Variants in STXBP4 observed in about 807,000 individuals in gnomAD.
STXBP4 encodes syntaxin binding protein 4, also known as syntaxin-binding protein 4.
A neutral mutation model predicts 76.1 loss-of-function variants in STXBP4; 55 were observed. The observed-to-expected ratio is 0.72, with a 90% CI of 0.58 to 0.91. STXBP4 has a LOEUF of 0.91. Ranked by LOEUF, STXBP4 falls within the 40% of genes least tolerant of loss-of-function variation. The probability of loss-of-function intolerance (pLI) is 0.00; values close to 1 mark genes in which losing one functional copy is unlikely to be tolerated. For missense variants in STXBP4, 618 were observed against 636.9 expected (o/e 0.97, Z 0.32); for synonymous variants, 201 against 220.2 (o/e 0.91, Z 0.77).
rs1025256664 is a variant in STXBP4, at chr17:55,053,920, A to C, written c.1011+6766A>C. ...TGGAATATATAAACTTTAGAATATC[A>C]GCCATGATTGATAAAATAATAATTG... On this transcript the variant is annotated intron_variant, in intron 12 of 17. Coordinates refer to ENST00000376352, the MANE Select transcript of STXBP4 (RefSeq NM_178509.6). 8.5e-5 allele frequency among the ~76,000 whole-genome samples: 13 copies of C among 152,294 alleles called. No individual in the cohort carries two copies. In the East Asian group the frequency reaches 2.3e-3, roughly 27 times the overall value.
At chr17:55,135,591 T>A (rs375569350) in intron 16 of STXBP4, among the ~76,000 whole-genome samples, 1 of 152,144 alleles carries the variant, frequency 6.6e-6, no homozygotes, top group East Asian at 1.9e-4. Flanking sequence ...GGCAACCATC[T>A]CTCACTATAC....
chr17:55,071,740 T>C (rs776710936), intron 12 of STXBP4, among the ~76,000 whole-genome samples: 9 of 152,172 alleles, frequency 5.9e-5, no homozygotes, highest in Non-Finnish European at 5.9e-5. Flanking sequence ...CTTAAGAATA[T>C]GCCAGCATTC....
In STXBP4 at chr17:55,161,469, A is replaced by G. The variant is rs557407443; in HGVS notation, c.*1558A>G. On this transcript the variant is annotated 3_prime_UTR_variant, in exon 18 of 18. Transcript: ENST00000376352. Reference sequence around the variant, plus strand: ...TAGTGTCTATAATTGTGAAAGTACAAACTTCTTGTTTTTGTCAAATTAATG... The same window carrying G: ...TAGTGTCTATAATTGTGAAAGTACAGACTTCTTGTTTTTGTCAAATTAATG... 3.3e-5 allele frequency: 5 copies of G among 152,182 alleles called. No individual in the cohort carries two copies. The highest frequency in any genetic ancestry group is 7.3e-5 in the Non-Finnish European group (5 of 68,034). 9.4% of individuals were successfully genotyped at this position (152,182 alleles called of 1,614,324 possible). A position where few individuals can be genotyped will look rare whatever the true frequency, so the allele number is the denominator to read the frequency against.
chr17:54,985,425 G>C (rs2077612619), intron 1 of STXBP4, among the ~76,000 whole-genome samples, 189 bp from the exon 2 acceptor site: 1 of 152,230 alleles, frequency 6.6e-6, no homozygotes, highest in Non-Finnish European at 1.5e-5. Flanking sequence ...TTCAGGAAGA[G>C]AGTTGTACTA....
At chr17:55,038,460 T>G (rs1049661572) in intron 10 of STXBP4, among the ~76,000 whole-genome samples, 2 of 152,160 alleles carry the variant, frequency 1.3e-5, no homozygotes, top group Non-Finnish European at 2.9e-5. Flanking sequence ...TCATAAGATC[T>G]CTTGAGATGC....
At chr17:55,039,665 A>G (rs1280767547) in intron 10 of STXBP4, among the ~76,000 whole-genome samples, 1 of 152,064 alleles carries the variant, frequency 6.6e-6, no homozygotes, top group Non-Finnish European at 1.5e-5. Flanking sequence ...TACCAAAAAC[A>G]ACAACTACAA....
intron 1 of STXBP4, among the ~76,000 whole-genome samples, chr17:54,979,837 T>C (rs775868852): frequency 1.3e-5 from 2 of 152,158 alleles, no homozygotes; most frequent in Non-Finnish European, 2.9e-5. Context: ...GACAAACAAC[T>C]AAAAAGACAT....
At chr17:55,079,188 A>G (rs8070535) in intron 15 of STXBP4, among the ~76,000 whole-genome samples, 1,678 of 152,264 alleles carry the variant, frequency 0.011, 27 homozygotes, top group African/African-American at 0.037. Flanking sequence ...AGCTATAAAT[A>G]AAAGAAATAT....
At chr17:54,999,236 T>C (rs1781824185) in intron 4 of STXBP4, 109 bp from the exon 5 acceptor site, 1 of 794,642 alleles carries the variant, frequency 1.3e-6, no homozygotes, top group Non-Finnish European at 2.0e-6. Context: ...TACTTTTTAC[T>C]CTTTTTGAAG....
intron 12 of STXBP4, among the ~76,000 whole-genome samples, chr17:55,060,621 T>C (rs1598276142): frequency 6.6e-6 from 1 of 152,298 alleles, no homozygotes; most frequent in East Asian, 1.9e-4. Flanking sequence ...CAAGGATAGC[T>C]ACCAGAATAC....
At chr17:55,031,352 T>G in intron 9 of STXBP4, 88 bp downstream of exon 9, 1 of 1,073,810 alleles carries the variant, frequency 9.3e-7, no homozygotes, top group Non-Finnish European at 1.4e-6. Flanking sequence ...GTTTGTTCTT[T>G]AGAAGGAGAG....
At chr17:55,033,461 G>A (rs1165285598) in intron 9 of STXBP4, among the ~76,000 whole-genome samples, 1 of 152,070 alleles carries the variant, frequency 6.6e-6, no homozygotes, top group Non-Finnish European at 1.5e-5. Context: ...TGAAGGTAAT[G>A]CAACCATGAA....
intron 9 of STXBP4, among the ~76,000 whole-genome samples, chr17:55,033,933 A>G (rs2078555525): frequency 6.6e-6 from 1 of 152,204 alleles, no homozygotes; most frequent in African/African-American, 2.4e-5. Context: ...CATGATATAT[A>G]TTTGCTTTAT....
chr17:54,975,687 A>C (rs866943341), intron 1 of STXBP4, among the ~76,000 whole-genome samples: 1 of 152,086 alleles, frequency 6.6e-6, no homozygotes, highest in African/African-American at 2.4e-5. Context: ...CAAAACTCCA[A>C]ACTTGCTACC....
In STXBP4 at chr17:54,973,301, C is replaced by T. The variant is rs180943120; in HGVS notation, c.-157+4486C>T. ...CGTCTTGTAGAAAGCAGCTTTGCAA[C>T]GGATGACAACAAAACAACAACAAAA... On this transcript the variant is annotated intron_variant, in intron 1 of 17. Coordinates refer to ENST00000376352, the MANE Select transcript of STXBP4 (RefSeq NM_178509.6). 2.7e-3 allele frequency among the ~76,000 whole-genome samples: 410 copies of T among 152,268 alleles called. 1 individual carries two copies. The highest frequency in any genetic ancestry group is 4.7e-3 in the Non-Finnish European group (320 of 68,010).
At chr17:55,185,275 C>T in the STXBP4 span, among the ~76,000 whole-genome samples, 1,109 of 46,644 alleles carry the variant, frequency 0.024, 14 homozygotes, top group South Asian at 0.038. Flanking sequence ...TTCTCCTTCT[C>T]CTTCTCCTTC....
At chr17:55,008,022 G>C (rs763827509) in intron 8 of STXBP4, among the ~76,000 whole-genome samples, 2 of 152,020 alleles carry the variant, frequency 1.3e-5, no homozygotes, top group Non-Finnish European at 2.9e-5. Flanking sequence ...AAAATAGTCA[G>C]ATGTCCACTA....
intron 17 of STXBP4, among the ~76,000 whole-genome samples, chr17:55,157,517 G>C (rs2080292753): frequency 6.6e-6 from 1 of 152,142 alleles, no homozygotes; most frequent in Non-Finnish European, 1.5e-5. Flanking sequence ...TTAGTAATGT[G>C]GATTATCGTC....
intron 10 of STXBP4, 99 bp from the exon 11 acceptor site, chr17:55,043,137 G>A (rs1010754880): frequency 1.0e-5 from 5 of 494,384 alleles, no homozygotes; most frequent in Non-Finnish European, 1.7e-5. Context: ...TTTGTTATTA[G>A]AATACAGAAG....
Sources: gnomAD v4.1 joint callset for allele counts (sites outside exome capture counted in the v4.1 genomes callset) on GRCh38, gnomAD v4.1.1 for gene constraint, MANE v1.5 for transcripts, NCBI Gene and HGNC (gene_info 2026-07-23, HGNC 2026-07-21) for gene names.